NBEA: variants seen among roughly 807,000 people sequenced by gnomAD.
NBEA encodes lysosomal-trafficking regulator 2.
A neutral mutation model predicts 343.4 loss-of-function variants in NBEA; 44 were observed. That is an observed-to-expected ratio of 0.13 (90% CI 0.10 to 0.16). The LOEUF is 0.16. Ranked by LOEUF, NBEA falls within the 10% of genes least tolerant of loss-of-function variation. The probability of loss-of-function intolerance (pLI) is 1.00; values close to 1 mark genes in which losing one functional copy is unlikely to be tolerated. For synonymous variants in NBEA, 1,175 were observed against 1,238.7 expected (o/e 0.95, Z 1.08); for missense variants, 2,555 against 3,631.3 (o/e 0.70, Z 7.62).
intron 34 of NBEA, among the ~76,000 whole-genome samples, chr13:35,238,323 C>T (rs962745340): frequency 6.6e-6 from 1 of 152,096 alleles, no homozygotes; most frequent in Admixed American, 6.6e-5. Context: ...TTCAGGCAGC[C>T]TGGAAATGGG....
chr13:35,407,194 A>G (rs558632139), intron 38 of NBEA, among the ~76,000 whole-genome samples: 62 of 150,722 alleles, frequency 4.1e-4, no homozygotes, highest in African/African-American at 1.5e-3. Flanking sequence ...CGAACTCCTG[A>G]CCTCCAGGGA....
chr13:35,611,984 C>T (rs930498399), intron 48 of NBEA, among the ~76,000 whole-genome samples: 3 of 151,952 alleles, frequency 2.0e-5, no homozygotes, highest in African/African-American at 7.3e-5. Context: ...AAGAAACTGC[C>T]CAGCTGTTTC....
chr13:34,962,893 G>A lies in NBEA; in HGVS notation c.294+19779G>A, dbSNP rs555897533. Among the ~76,000 whole-genome samples, 3 of 152,080 alleles carry A rather than the reference G, an allele frequency of 2.0e-5. No homozygotes were observed. The East Asian group carries it at 5.8e-4, about 29-fold the overall frequency. On this transcript the variant is annotated intron_variant, in intron 1 of 58. Transcript: ENST00000379939. ...CTACTTTGTATATTAACTGTCAGGG[G>A]CACCATATTTTAAACAGGACTCTGA...
intron 49 of NBEA, among the ~76,000 whole-genome samples, chr13:35,631,638 T>TTAAAAA (rs1043794878): frequency 2.4e-4 from 30 of 126,456 alleles, no homozygotes; most frequent in African/African-American, 9.2e-4. Flanking sequence ...GTCTCCTTTG[T>TTAAAAA]AAAAAAAAAA....
At chr13:35,069,777 A>C in intron 8 of NBEA, 131 bp from the exon 9 acceptor site, 5 of 468,726 alleles carry the variant, frequency 1.1e-5, no homozygotes, top group Non-Finnish European at 1.8e-5. Context: ...AGTAAGTAAT[A>C]CCACTGAATA....
intron 38 of NBEA, among the ~76,000 whole-genome samples, chr13:35,414,817 C>A (rs2043804933): frequency 6.6e-6 from 1 of 152,202 alleles, no homozygotes; most frequent in African/African-American, 2.4e-5. Context: ...CTGTCTTCCA[C>A]AATGGTTGAA....
intron 41 of NBEA, among the ~76,000 whole-genome samples, chr13:35,548,639 A>G (rs1191333812): frequency 2.0e-5 from 3 of 152,150 alleles, no homozygotes; most frequent in African/African-American, 7.2e-5. Context: ...AATAATTATT[A>G]TAGTTGAAGA....
intron 47 of NBEA, among the ~76,000 whole-genome samples, chr13:35,603,093 A>AATTT (rs2082127767): frequency 6.6e-6 from 1 of 152,112 alleles, no homozygotes; most frequent in South Asian, 2.1e-4. Flanking sequence ...TTCCCCTTAA[A>AATTT]AGGCAGATTT....
chr13:35,444,532 G>A (rs927317503), intron 39 of NBEA, among the ~76,000 whole-genome samples: 2 of 151,966 alleles, frequency 1.3e-5, no homozygotes, highest in Non-Finnish European at 2.9e-5. Context: ...ATTGAGAAAT[G>A]GCGTATAATG....
intron 41 of NBEA, chr13:35,475,020 G>C (rs1473435355): frequency 5.0e-6 from 8 of 1,584,188 alleles, no homozygotes; most frequent in African/African-American, 1.3e-5. Flanking sequence ...TAAGGACTTT[G>C]AGAAGGGTAA....
At chr13:35,591,324 T>C (rs1458001307) in intron 46 of NBEA, among the ~76,000 whole-genome samples, 2 of 152,110 alleles carry the variant, frequency 1.3e-5, no homozygotes, top group African/African-American at 4.8e-5. Context: ...TTTTATTTAA[T>C]ATAATTTAGT....
chr13:35,528,012 T>C (rs770995280), intron 41 of NBEA, among the ~76,000 whole-genome samples: 2 of 151,944 alleles, frequency 1.3e-5, no homozygotes, highest in African/African-American at 2.4e-5. Context: ...ATAAAAAAAA[T>C]ATAAGTTTTA....
At chr13:35,119,995 T>C (rs7986756) in intron 16 of NBEA, among the ~76,000 whole-genome samples, 2,440 of 152,322 alleles carry the variant, frequency 0.016, 67 homozygotes, top group African/African-American at 0.05. Context: ...TGTAGTACAA[T>C]TACTCTCACT....
intron 38 of NBEA, among the ~76,000 whole-genome samples, chr13:35,407,038 C>T (rs536130982): frequency 3.3e-5 from 5 of 150,870 alleles, no homozygotes; most frequent in Admixed American, 2.6e-4. Context: ...CAGCTCACGG[C>T]ACCCTCTGCC....
intron 41 of NBEA, among the ~76,000 whole-genome samples, chr13:35,492,015 CGGA>C (rs1468489475): frequency 1.3e-5 from 2 of 151,818 alleles, no homozygotes; most frequent in Admixed American, 6.6e-5. Context: ...AAGAGTAAAT[CGGA>C]GGTGGAAAGT....
chr13:35,578,135 A>G (rs1389220272), intron 45 of NBEA, among the ~76,000 whole-genome samples: 3 of 152,218 alleles, frequency 2.0e-5, no homozygotes, highest in African/African-American at 7.2e-5. Context: ...CTATTGTTAG[A>G]AGCCAGACAA....
At chr13:35,142,418 C>T in intron 18 of NBEA, 41 bp downstream of exon 18, 4 of 1,421,076 alleles carry the variant, frequency 2.8e-6, no homozygotes, top group South Asian at 1.2e-5. Flanking sequence ...TAAGTGTATA[C>T]AGTGGAAACC....
intron 1 of NBEA, among the ~76,000 whole-genome samples, chr13:34,960,835 C>T (rs1463390482): frequency 6.6e-6 from 1 of 152,008 alleles, no homozygotes; most frequent in Non-Finnish European, 1.5e-5. Flanking sequence ...AAATGTATCT[C>T]TGTTGTTAAG....
At chr13:35,244,178 T>A (rs1327872919) in intron 34 of NBEA, among the ~76,000 whole-genome samples, 1 of 151,782 alleles carries the variant, frequency 6.6e-6, no homozygotes, top group African/African-American at 2.4e-5. Flanking sequence ...CAACATATTT[T>A]GAATAATAGA....
Sources: allele counts gnomAD v4.1 joint callset (sites outside exome capture counted in the v4.1 genomes callset), GRCh38; gene constraint gnomAD v4.1.1; transcripts MANE v1.5; gene names NCBI Gene and HGNC (gene_info 2026-07-23, HGNC 2026-07-21).